Variants in CARMIL1 observed in about 807,000 individuals in gnomAD.
CARMIL1 encodes the protein capping protein regulator and myosin 1 linker 1.
Under a neutral mutation model 177.1 loss-of-function variants are expected in CARMIL1, and 90 were observed. The observed-to-expected ratio is 0.51, with a 90% confidence interval of 0.43 to 0.61. The LOEUF (loss-of-function observed/expected upper bound fraction) is 0.61. Ranked by LOEUF, CARMIL1 falls within the 20% of genes least tolerant of loss-of-function variation. The pLI is 0.00. For missense variants in CARMIL1, 1,380 were observed against 1,667.0 expected (o/e 0.83, Z 3.00); for synonymous variants, 577 against 606.2 (o/e 0.95, Z 0.71).
chr6:25,593,007 C>A (rs894570535), intron 31 of CARMIL1, among the ~76,000 whole-genome samples: 1 of 152,154 alleles, frequency 6.6e-6, no homozygotes, highest in Non-Finnish European at 1.5e-5. Flanking sequence ...AGCTTCTCAC[C>A]AGCCTCTCTC....
intron 8 of CARMIL1, among the ~76,000 whole-genome samples, chr6:25,458,189 C>T (rs184105929): frequency 6.6e-6 from 1 of 152,226 alleles, no homozygotes; most frequent in African/African-American, 2.4e-5. Flanking sequence ...CTCTCAATCC[C>T]TTGTCAACTT....
chr6:25,301,307 A>G (rs1275032744), intron 2 of CARMIL1, among the ~76,000 whole-genome samples: 1 of 152,044 alleles, frequency 6.6e-6, no homozygotes, highest in Admixed American at 6.6e-5. Flanking sequence ...CAGTGGTAAC[A>G]AGAACAATAG....
At chr6:25,479,811 G>T (rs1801924554) in intron 11 of CARMIL1, among the ~76,000 whole-genome samples, 1 of 151,686 alleles carries the variant, frequency 6.6e-6, no homozygotes, top group Non-Finnish European at 1.5e-5. Flanking sequence ...TTCTCTCTAG[G>T]CATGGCTCTA....
chr6:25,442,303 C>T (rs1388176099), intron 5 of CARMIL1, among the ~76,000 whole-genome samples: 2 of 151,014 alleles, frequency 1.3e-5, no homozygotes, highest in African/African-American at 4.9e-5. Flanking sequence ...GAGTCTTGTG[C>T]AATTTAAATG....
chr6:25,321,815 C>T (rs1008663667), intron 2 of CARMIL1, among the ~76,000 whole-genome samples: 5 of 151,696 alleles, frequency 3.3e-5, no homozygotes, highest in East Asian at 1.9e-4. Context: ...CCCGCCACCA[C>T]GCCCGGCTAA....
chr6:25,579,936 TAAATG>T (rs1178770002), intron 29 of CARMIL1, among the ~76,000 whole-genome samples: 3 of 152,196 alleles, frequency 2.0e-5, no homozygotes, highest in Non-Finnish European at 4.4e-5. Flanking sequence ...GAAAACCTAT[TAAATG>T]AAAGTATGCA....
chr6:25,615,055 A>G (rs1158938491), intron 36 of CARMIL1, among the ~76,000 whole-genome samples: 16 of 152,226 alleles, frequency 1.1e-4, no homozygotes, highest in Non-Finnish European at 2.1e-4. Flanking sequence ...TATGCATAAT[A>G]TTTTAATTTT....
chr6:25,488,636 C>A, intron 13 of CARMIL1, 51 bp downstream of exon 13: 2 of 1,393,278 alleles, frequency 1.4e-6, no homozygotes, highest in Non-Finnish European at 1.0e-6. Flanking sequence ...GTTTAATAAG[C>A]CTGGAATAAT....
chr6:25,375,275 G>T (rs1790861071), intron 2 of CARMIL1, among the ~76,000 whole-genome samples: 1 of 152,152 alleles, frequency 6.6e-6, no homozygotes, highest in South Asian at 2.1e-4. Flanking sequence ...AAAATGATTG[G>T]CTGACAGTTA....
intron 31 of CARMIL1, among the ~76,000 whole-genome samples, chr6:25,583,362 C>T (rs1562309177): frequency 6.6e-6 from 1 of 152,100 alleles, no homozygotes; most frequent in Admixed American, 6.5e-5. Context: ...CCCACCTCCT[C>T]CAGTGCCTGA....
chr6:25,342,955 T>G (rs1454320606), intron 2 of CARMIL1, among the ~76,000 whole-genome samples: 1 of 152,232 alleles, frequency 6.6e-6, no homozygotes, highest in Non-Finnish European at 1.5e-5. Context: ...CAACTATCTG[T>G]CTAATCTTAT....
intron 2 of CARMIL1, among the ~76,000 whole-genome samples, chr6:25,416,827 T>A (rs777079333): frequency 9.9e-5 from 15 of 152,164 alleles, no homozygotes; most frequent in Non-Finnish European, 1.9e-4. Flanking sequence ...TTTGACAATG[T>A]GATGTTGAGA....
In CARMIL1 at chr6:25,488,455, TG is replaced by T. The variant is rs758545866; in HGVS notation, c.962-26del. On this transcript the variant is annotated intron_variant, in intron 12 of 36. Transcript: ENST00000329474. ...TCATTTTGTTTCCTGGAGTGCAAAC[TG>T]AGCCTGGATTTTCTTGATGTTGCAG... 7 of 1,574,716 alleles carry T rather than the reference TG, an allele frequency of 4.4e-6. No homozygotes were observed. The East Asian group carries it at 1.6e-4, about 35-fold the overall frequency.
chr6:25,600,455 G>A lies in CARMIL1; in HGVS notation c.3261G>A (p.Leu1087=), dbSNP rs1352579391. Residue 1087 remains leucine (L), a synonymous_variant, in exon 33 of 37, where the codon TTG becomes TTA. Coordinates refer to ENST00000329474, the MANE Select transcript of CARMIL1 (RefSeq NM_017640.6). ...AATCCGAGCGACCACCAACGATCTTGATGACAGAAGAACCCTCCTCACCAA... is the reference window on the plus strand; with the variant it reads ...AATCCGAGCGACCACCAACGATCTTAATGACAGAAGAACCCTCCTCACCAA... ...RSKSERPPTI[L]MTEEPSSPKG... 1 of 1,614,036 alleles carries A rather than the reference G, an allele frequency of 6.2e-7. No individual in the cohort carries two copies. Among genetic ancestry groups the A allele is most frequent in the East Asian group, 2.2e-5 (1 of 44,884 alleles).
chr6:25,445,785 G>A (rs546806295), intron 5 of CARMIL1, among the ~76,000 whole-genome samples: 101 of 152,090 alleles, frequency 6.6e-4, no homozygotes, highest in African/African-American at 2.3e-3. Flanking sequence ...TGATCCACAC[G>A]CCTCGGCTGG....
In CARMIL1 at chr6:25,507,986, TA is replaced by T. The variant is rs375031703; in HGVS notation, c.1396-1666del. 4.6e-3 allele frequency among the ~76,000 whole-genome samples: 693 copies of T among 152,274 alleles called. 7 individuals are homozygous for T. The highest frequency in any genetic ancestry group is 0.012 in the South Asian group (58 of 4,830). The stretch of plus-strand genomic sequence containing the variant: ...ATACATTTATAAAATATAATACGAA[TA>T]AAATACAAGAAATATTTAGAAAGAC... On this transcript the variant is annotated intron_variant, in intron 17 of 36. Coordinates refer to ENST00000329474, the MANE Select transcript of CARMIL1 (RefSeq NM_017640.6).
At chr6:25,356,825 C>T (rs553994001) in intron 2 of CARMIL1, among the ~76,000 whole-genome samples, 5 of 152,276 alleles carry the variant, frequency 3.3e-5, no homozygotes, top group Non-Finnish European at 7.4e-5. Flanking sequence ...AGGCAGGCAC[C>T]CTGGCAGTCT....
chr6:25,281,127 T>TGCGCGCGCGC (rs1554148544), intron 1 of CARMIL1, among the ~76,000 whole-genome samples: 4 of 127,000 alleles, frequency 3.1e-5, no homozygotes, highest in Non-Finnish European at 4.8e-5. Flanking sequence ...CACGCGCGTG[T>TGCGCGCGCGC]GCGCGCGCGC....
chr6:25,462,143 C>G (rs1800179339), intron 8 of CARMIL1, among the ~76,000 whole-genome samples: 1 of 152,120 alleles, frequency 6.6e-6, no homozygotes, highest in African/African-American at 2.4e-5. Context: ...CTCTTGACAT[C>G]TTTTGTAGAG....
Sources: gnomAD v4.1 joint callset for allele counts (sites outside exome capture counted in the v4.1 genomes callset) on GRCh38, gnomAD v4.1.1 for gene constraint, MANE v1.5 for transcripts, NCBI Gene and HGNC (gene_info 2026-07-23, HGNC 2026-07-21) for gene names.